Variants in ATF6 observed in about 807,000 individuals in gnomAD.
ATF6 encodes activating transcription factor 6, also known as cyclic AMP-dependent transcription factor ATF-6 alpha.
In ATF6, 53 loss-of-function variants were observed where a neutral mutation model predicts 83.6. The ratio of observed to expected loss-of-function variants is 0.63; its 90% CI spans 0.51 to 0.80. The LOEUF is 0.80. ATF6 is among the 30% of genes least tolerant of loss of function. The probability of loss-of-function intolerance (pLI) is 0.00; values close to 1 mark genes in which losing one functional copy is unlikely to be tolerated. For synonymous variants in ATF6, 288 were observed against 285.8 expected, an observed-to-expected ratio of 1.01 and a Z score of -0.08; for missense variants, 744 against 797.9, an observed-to-expected ratio of 0.93 and a Z score of 0.81.
At chr1:161,786,931 T>G (rs888685665) in intron 4 of ATF6, among the ~76,000 whole-genome samples, 4 of 152,244 alleles carry the variant, frequency 2.6e-5, no homozygotes, top group African/African-American at 9.6e-5. Flanking sequence ...TATGAAACAG[T>G]TCTTCATTAA....
chr1:161,821,137 TA>T lies in ATF6; in HGVS notation c.1165del (p.Ile389TyrfsTer2). The part of the protein sequence containing the change: ...VVCVMIVLAF[I>X]ILNYGPMSML... ...TGTGTGATGATAGTATTGGCATTTA[TA>T]ATACTGAACTATGGACCTATGAGGT... On this transcript the variant is annotated frameshift_variant, in exon 9 of 16. Coordinates refer to ENST00000367942, the MANE Select transcript of ATF6 (RefSeq NM_007348.4). LOFTEE classifies it high-confidence loss of function. 6.2e-7 allele frequency: 1 copy of T among 1,611,902 alleles called. No homozygotes were observed. Among genetic ancestry groups the T allele is most frequent in the Non-Finnish European group, 8.5e-7 (1 of 1,178,450 alleles).
intron 6 of ATF6, among the ~76,000 whole-genome samples, chr1:161,798,431 G>A (rs1455566329): frequency 6.6e-6 from 1 of 152,120 alleles, no homozygotes; most frequent in Admixed American, 6.5e-5. Flanking sequence ...GGCCAATATG[G>A]TGAAACCCCA....
chr1:161,814,123 A>G (rs34461550), intron 7 of ATF6, among the ~76,000 whole-genome samples: 4,130 of 152,246 alleles, frequency 0.027, 92 homozygotes, highest in East Asian at 0.11. Context: ...ACCTCAGGTG[A>G]TCCGCCCGCC....
chr1:161,857,812 C>CA lies in ATF6; in HGVS notation c.1534-2393dup, dbSNP rs1270056342. Among the ~76,000 whole-genome samples the CA allele has an allele frequency of 7.5e-4, 113 of 149,756 alleles. 2 individuals carry two copies. Among genetic ancestry groups the CA allele is most frequent in the African/African-American group, 2.7e-3 (110 of 40,584 alleles). ...AGTAAAATATAAGACAATAAGAACA[C>CA]AAGGGGGGGAGGGATAAATGGAATA... On this transcript the variant is annotated intron_variant, in intron 12 of 15. Coordinates refer to ENST00000367942, the MANE Select transcript of ATF6 (RefSeq NM_007348.4).
chr1:161,831,354 A>T (rs2101799974), intron 9 of ATF6, among the ~76,000 whole-genome samples: 1 of 152,366 alleles, frequency 6.6e-6, no homozygotes, highest in Non-Finnish European at 1.5e-5. Context: ...GTGGGACTGT[A>T]AATTAGTTCA....
Position 161,927,384 on chromosome 1 carries a change from G to A in ATF6, c.1804+15004G>A, listed in dbSNP as rs143771755. 2.0e-5 allele frequency among the ~76,000 whole-genome samples: 3 copies of A among 152,232 alleles called. No homozygotes were observed. The East Asian group carries it at 5.8e-4, about 29-fold the overall frequency. On this transcript the variant is annotated intron_variant, in intron 15 of 15. Transcript: ENST00000367942. The stretch of plus-strand genomic sequence containing the variant: ...GGGTCTCACGGTGTTGCCCAGGCTG[G>A]TCTCAAACTCCTGGGCTCAAGCAAT...
intron 9 of ATF6, among the ~76,000 whole-genome samples, chr1:161,831,794 G>A (rs1449915069): frequency 3.1e-5 from 4 of 127,592 alleles, no homozygotes; most frequent in Non-Finnish European, 4.9e-5. Flanking sequence ...GGGGCCTGTG[G>A]TGGGGTCGGG....
chr1:161,875,315 T>C (rs1402528977), intron 14 of ATF6, among the ~76,000 whole-genome samples: 1 of 151,838 alleles, frequency 6.6e-6, no homozygotes, highest in Non-Finnish European at 1.5e-5. Context: ...TGTGAACTTT[T>C]AGTACTCTGA....
intron 7 of ATF6, among the ~76,000 whole-genome samples, chr1:161,806,088 C>T (rs547726727): frequency 6.6e-6 from 1 of 152,252 alleles, no homozygotes; most frequent in East Asian, 1.9e-4. Context: ...CCTAAGTTTT[C>T]AAGAAATATG....
chr1:161,938,046 C>T (rs1688573108), intron 15 of ATF6, among the ~76,000 whole-genome samples: 1 of 152,090 alleles, frequency 6.6e-6, no homozygotes. Context: ...GCTTTTCTGA[C>T]CTCATTTTCT....
At chr1:161,907,863 A>T (rs1687907278) in intron 14 of ATF6, among the ~76,000 whole-genome samples, 1 of 152,194 alleles carries the variant, frequency 6.6e-6, no homozygotes, top group South Asian at 2.1e-4. Context: ...TATACTCACA[A>T]ATCAGCAACC....
At chr1:161,791,654 A>C in intron 5 of ATF6, 117 bp downstream of exon 5, 3 of 1,125,544 alleles carry the variant, frequency 2.7e-6, no homozygotes, top group Non-Finnish European at 3.7e-6. Context: ...GCTGTTTTTT[A>C]ATTGGTGGAC....
At chr1:161,919,222 G>A (rs1688156845) in intron 15 of ATF6, among the ~76,000 whole-genome samples, 1 of 152,180 alleles carries the variant, frequency 6.6e-6, no homozygotes, top group South Asian at 2.1e-4. Context: ...TGAGGAAGTT[G>A]TCACACAAGA....
At chr1:161,825,178 C>A (rs1685863537) in intron 9 of ATF6, among the ~76,000 whole-genome samples, 1 of 152,162 alleles carries the variant, frequency 6.6e-6, no homozygotes, top group Admixed American at 6.5e-5. Context: ...CAGGCTTAAG[C>A]AATCCCCCGA....
intron 14 of ATF6, among the ~76,000 whole-genome samples, chr1:161,898,402 GC>G (rs2101876939): frequency 6.6e-6 from 1 of 152,236 alleles, no homozygotes; most frequent in Admixed American, 6.5e-5. Flanking sequence ...TACCTCTGGT[GC>G]CTCGAGAGTA....
chr1:161,899,501 G>T (rs777343803), intron 14 of ATF6, among the ~76,000 whole-genome samples: 1 of 151,964 alleles, frequency 6.6e-6, no homozygotes, highest in Admixed American at 6.6e-5. Flanking sequence ...TACCCTTCCA[G>T]ATTTTGGTAC....
At chr1:161,894,227 GTT>G (rs11304307) in intron 14 of ATF6, among the ~76,000 whole-genome samples, 1,697 of 123,998 alleles carry the variant, frequency 0.014, 29 homozygotes, top group African/African-American at 0.045. Flanking sequence ...TTGAGCAGGT[GTT>G]TTTTTTTTTT....
At chr1:161,931,703 A>G (rs2101902552) in intron 15 of ATF6, among the ~76,000 whole-genome samples, 1 of 152,218 alleles carries the variant, frequency 6.6e-6, no homozygotes, top group African/African-American at 2.4e-5. Context: ...TATTCAAAAC[A>G]TTTGCCCATT....
At chr1:161,958,408 GT>G in intron 15 of ATF6, 37 bp from the exon 16 acceptor site, 2 of 1,542,824 alleles carry the variant, frequency 1.3e-6, no homozygotes, top group Non-Finnish European at 1.8e-6. Flanking sequence ...TGCACATTCT[GT>G]TGAATATTTA....
Sources: gnomAD v4.1 joint callset for allele counts (sites outside exome capture counted in the v4.1 genomes callset) on GRCh38, gnomAD v4.1.1 for gene constraint, MANE v1.5 for transcripts, NCBI Gene and HGNC (gene_info 2026-07-23, HGNC 2026-07-21) for gene names.